The following PYHIN1 variants were observed in gnomAD, a reference collection of about 807,000 sequenced individuals.
The protein encoded by PYHIN1 is pyrin and HIN domain family member 1.
In PYHIN1, 32 loss-of-function variants were observed where a neutral mutation model predicts 43.7. That is an observed-to-expected ratio of 0.73 (90% CI 0.55 to 0.98). PYHIN1 has a LOEUF of 0.98. Among genes scored for constraint, PYHIN1 ranks in the 50% least tolerant of loss-of-function variants. PYHIN1 has a pLI of 0.00. For synonymous variants in PYHIN1, 205 were observed against 203.1 expected, an observed-to-expected ratio of 1.01 and a Z score of -0.08; for missense variants, 588 against 589.5, an observed-to-expected ratio of 1.00 and a Z score of 0.03.
At chr1:158,959,374 A>T (rs1650187319) in intron 7 of PYHIN1, among the ~76,000 whole-genome samples, 1 of 151,498 alleles carries the variant, frequency 6.6e-6, no homozygotes, top group African/African-American at 2.4e-5. Context: ...CCTGTGGGTA[A>T]TTTGGTTGCC....
Position 158,959,654 on chromosome 1 carries a change from G to A in PYHIN1, c.1360-13993G>A, listed in dbSNP as rs144794959. On this transcript the variant is annotated intron_variant, in intron 7 of 8. Coordinates refer to ENST00000368140, the MANE Select transcript of PYHIN1 (RefSeq NM_152501.5). The stretch of plus-strand genomic sequence containing the variant: ...TGACTGAATTACCACAGGTACCCAC[G>A]TTTCAGATTAGATGAGGTCCTCCCA... Among the ~76,000 whole-genome samples the A allele has an allele frequency of 4.6e-3, 695 of 152,242 alleles. 7 individuals carry two copies. Among genetic ancestry groups the A allele is most frequent in the African/African-American group, 0.014 (596 of 41,546 alleles).
chr1:158,947,037 T>G (rs779972594), intron 7 of PYHIN1, among the ~76,000 whole-genome samples: 2 of 152,174 alleles, frequency 1.3e-5, no homozygotes, highest in African/African-American at 4.8e-5. Flanking sequence ...AACCACATCA[T>G]GCAGTTTCTT....
At chr1:158,981,490 T>TAAAC (rs752744632), downstream of PYHIN1, among the ~76,000 whole-genome samples, 3 of 152,064 alleles carry the variant, frequency 2.0e-5, no homozygotes, top group Non-Finnish European at 2.9e-5. Context: ...AAGAAATAAA[T>TAAAC]AAACAAACAA....
chr1:158,949,130 C>A (rs527583200), intron 7 of PYHIN1, among the ~76,000 whole-genome samples: 1 of 152,192 alleles, frequency 6.6e-6, no homozygotes, highest in South Asian at 2.1e-4. Context: ...CATGGGGTGG[C>A]AAGGACTTTA....
chr1:158,932,122 C>A (rs1037227388), intron 1 of PYHIN1, among the ~76,000 whole-genome samples: 6 of 152,114 alleles, frequency 3.9e-5, no homozygotes, highest in African/African-American at 1.4e-4. Flanking sequence ...TGATTTCATT[C>A]TTTTTTATGG....
chr1:158,942,988 G>A lies in PYHIN1; in HGVS notation c.1002+589G>A, dbSNP rs192449003. On this transcript the variant is annotated intron_variant, in intron 5 of 8. Transcript: ENST00000368140. ...TTGGAGAATCAGGTAATCTGTACTCGTATATTAGATATGTCGCAAAAAAAG... is the reference window on the plus strand; with the variant it reads ...TTGGAGAATCAGGTAATCTGTACTCATATATTAGATATGTCGCAAAAAAAG... 4.1e-3 allele frequency among the ~76,000 whole-genome samples: 631 copies of A among 152,176 alleles called. 7 individuals carry two copies. Among genetic ancestry groups the A allele is most frequent in the African/African-American group, 0.013 (535 of 41,508 alleles).
At chr1:158,962,265 C>G (rs543070997) in intron 7 of PYHIN1, among the ~76,000 whole-genome samples, 1 of 152,280 alleles carries the variant, frequency 6.6e-6, no homozygotes, top group South Asian at 2.1e-4. Flanking sequence ...CCTACCTGGG[C>G]TTTGGTGACT....
chr1:158,952,686 G>A (rs1031538460), intron 7 of PYHIN1, among the ~76,000 whole-genome samples: 2 of 152,112 alleles, frequency 1.3e-5, no homozygotes, highest in Non-Finnish European at 2.9e-5. Context: ...ATAGCGTTAG[G>A]GCTGTTACTG....
At chr1:158,963,766 G>T (rs1365961392) in intron 7 of PYHIN1, among the ~76,000 whole-genome samples, 1 of 152,180 alleles carries the variant, frequency 6.6e-6, no homozygotes, top group Non-Finnish European at 1.5e-5. Flanking sequence ...ATCCAGGAAA[G>T]AAGGTTTCTA....
intron 7 of PYHIN1, among the ~76,000 whole-genome samples, chr1:158,949,488 C>T (rs949455875): frequency 1.5e-4 from 22 of 151,702 alleles, no homozygotes; most frequent in Admixed American, 5.9e-4. Context: ...CCCACTAACT[C>T]GTCATCTAGC....
intron 6 of PYHIN1, 29 bp from the exon 7 acceptor site, chr1:158,944,846 A>C: frequency 6.7e-7 from 1 of 1,497,694 alleles, no homozygotes. Context: ...ATATTAAAAA[A>C]CATTAAACAA....
At chr1:158,989,803 A>G in the PYHIN1 span, among the ~76,000 whole-genome samples, 1 of 152,176 alleles carries the variant, frequency 6.6e-6, no homozygotes, top group East Asian at 1.9e-4. Flanking sequence ...AACCCTTTAA[A>G]ACTAATACAT....
rs1394006912 is a variant in PYHIN1 at position 158,933,072 on chromosome 1, A to T, written c.-21+1296A>T. ...TTTACCTTGTTCATTTAGTATTGGA[A>T]GATATAATATAGAACCTCCTATTAT... On this transcript the variant is annotated intron_variant, in intron 1 of 8. Coordinates refer to ENST00000368140, the MANE Select transcript of PYHIN1 (RefSeq NM_152501.5). This position sits in a 1 kb window ranked among gnomAD's most constrained non-coding sequence, Gnocchi z 6.3. Among the ~76,000 whole-genome samples, 1 of 151,836 alleles carries T rather than the reference A, an allele frequency of 6.6e-6. No individual in the cohort carries two copies. Among genetic ancestry groups the T allele is most frequent in the East Asian group, 1.9e-4 (1 of 5,200 alleles).
At chr1:158,975,406 G>GA (rs1158508427) in intron 8 of PYHIN1, among the ~76,000 whole-genome samples, 3 of 151,970 alleles carry the variant, frequency 2.0e-5, no homozygotes, top group Non-Finnish European at 4.4e-5. Context: ...TACTATATGG[G>GA]AAAAAACGAA....
intron 7 of PYHIN1, among the ~76,000 whole-genome samples, chr1:158,963,358 T>C (rs1650437878): frequency 6.6e-6 from 1 of 152,148 alleles, no homozygotes; most frequent in Non-Finnish European, 1.5e-5. Context: ...CACTGGCTGA[T>C]AGCAGCTCCT....
At chr1:158,942,643 G>C (rs1648989598) in intron 5 of PYHIN1, among the ~76,000 whole-genome samples, 1 of 152,154 alleles carries the variant, frequency 6.6e-6, no homozygotes, top group Admixed American at 6.5e-5. Flanking sequence ...GAGAAACCTT[G>C]AGACTTCATC....
chr1:158,987,517 T>G, the PYHIN1 span, among the ~76,000 whole-genome samples: 4 of 152,196 alleles, frequency 2.6e-5, no homozygotes, highest in Admixed American at 1.3e-4. Flanking sequence ...TTGATAATGT[T>G]ATTTGATACG....
chr1:158,937,279 T>G, intron 2 of PYHIN1, 104 bp downstream of exon 2: 1 of 1,286,976 alleles, frequency 7.8e-7, no homozygotes, highest in Admixed American at 2.5e-5. Context: ...TTTTCCCAAT[T>G]TGTGACTCAC....
At chr1:158,955,167 C>T (rs1649838638) in intron 7 of PYHIN1, among the ~76,000 whole-genome samples, 1 of 151,996 alleles carries the variant, frequency 6.6e-6, no homozygotes, top group Non-Finnish European at 1.5e-5. Flanking sequence ...ACTTTAACAC[C>T]CCACTGTCAA....
Sources: gnomAD v4.1 joint callset for allele counts (sites outside exome capture counted in the v4.1 genomes callset) on GRCh38, gnomAD v4.1.1 for gene constraint, Gnocchi (gnomAD v3.1) non-coding constraint, MANE v1.5 for transcripts, NCBI Gene and HGNC (gene_info 2026-07-23, HGNC 2026-07-21) for gene names.